The following ANKRD11 variants were observed in gnomAD, a reference collection of about 807,000 sequenced individuals.
ANKRD11 encodes the protein ankyrin repeat domain 11.
In ANKRD11, 17 loss-of-function variants were observed where a neutral mutation model predicts 195.7. That is an observed-to-expected ratio of 0.09 (90% confidence interval 0.06 to 0.13). ANKRD11 has a LOEUF of 0.13. ANKRD11 is among the 10% of genes least tolerant of loss of function. The pLI is 1.00. For missense variants in ANKRD11, 3,735 were observed against 3,566.1 expected, an observed-to-expected ratio of 1.05 and a Z score of -1.21; for synonymous variants, 1,953 against 1,528.1, an observed-to-expected ratio of 1.28 and a Z score of -6.49.
chr16:89,479,538 G>A (rs1301777956), intron 1 of ANKRD11, among the ~76,000 whole-genome samples: 1 of 152,100 alleles, frequency 6.6e-6, no homozygotes, highest in Non-Finnish European at 1.5e-5. Context: ...TGGAGGCTGA[G>A]GCAAGAGAAT....
At chr16:89,340,711 A>G (rs2038616844) in intron 2 of ANKRD11, among the ~76,000 whole-genome samples, 1 of 152,260 alleles carries the variant, frequency 6.6e-6, no homozygotes, top group Non-Finnish European at 1.5e-5. Context: ...AATAAAAACT[A>G]TAAACTCAAG....
intron 2 of ANKRD11, 54 bp from the exon 3 acceptor site, chr16:89,317,132 T>C: frequency 2.6e-6 from 3 of 1,174,062 alleles, no homozygotes; most frequent in Non-Finnish European, 2.5e-6. Context: ...TCAAAACTCA[T>C]CCACTCTCAC....
intron 3 of ANKRD11, 134 bp downstream of exon 3, chr16:89,316,799 C>G (rs1359066025): frequency 9.0e-6 from 10 of 1,106,332 alleles, no homozygotes; most frequent in Non-Finnish European, 1.2e-5. Flanking sequence ...ACCCTCTCCA[C>G]TCCTGGCTGC....
At chr16:89,314,193 G>A (rs2036800228) in intron 3 of ANKRD11, among the ~76,000 whole-genome samples, 1 of 152,114 alleles carries the variant, frequency 6.6e-6, no homozygotes. Flanking sequence ...TGCAGAAGTT[G>A]CAGTGAGCTG....
intron 9 of ANKRD11, chr16:89,278,090 A>G: frequency 5.0e-6 from 1 of 198,152 alleles, no homozygotes. Context: ...CATCAACCAC[A>G]CAGTCCGCTA....
At chr16:89,377,235 A>G (rs1249767600) in intron 2 of ANKRD11, among the ~76,000 whole-genome samples, 1 of 152,162 alleles carries the variant, frequency 6.6e-6, no homozygotes, top group Non-Finnish European at 1.5e-5. Flanking sequence ...GGCTCATTAC[A>G]CACAGCATGC....
chr16:89,393,237 C>T lies in ANKRD11; in HGVS notation c.-60+25047G>A, dbSNP rs2041274615. Among the ~76,000 whole-genome samples the T allele has an allele frequency of 3.3e-5, 5 of 152,136 alleles. No individual in the cohort carries two copies. In the South Asian group the frequency reaches 8.3e-4, roughly 25 times the overall value. On this transcript the variant is annotated intron_variant, in intron 2 of 12. Coordinates refer to ENST00000301030, the MANE Select transcript of ANKRD11 (RefSeq NM_013275.6). ...TCACCTGTTCCCACAGGTGACATGG[C>T]TCCCACCCTGGGACCAAGAGAGTCC...
chr16:89,270,803 C>G lies in ANKRD11; in HGVS notation c.7806+14G>C, dbSNP rs369188973. The G allele has an allele frequency of 6.2e-7, 1 of 1,611,994 alleles. No homozygotes were observed. The highest frequency in any genetic ancestry group is 8.5e-7 in the Non-Finnish European group (1 of 1,179,430). On this transcript the variant is annotated intron_variant, in intron 12 of 12. Coordinates refer to ENST00000301030, the MANE Select transcript of ANKRD11 (RefSeq NM_013275.6). ...CCTCCCCCAGGCAGAACTGAGGGGACGCGCAACACCGACCTTCATGCGGTC... is the reference window on the plus strand; with the variant it reads ...CCTCCCCCAGGCAGAACTGAGGGGAGGCGCAACACCGACCTTCATGCGGTC...
At chr16:89,319,084 T>C (rs774648050) in intron 2 of ANKRD11, among the ~76,000 whole-genome samples, 1 of 152,196 alleles carries the variant, frequency 6.6e-6, no homozygotes, top group Non-Finnish European at 1.5e-5. Flanking sequence ...GAATTAACAT[T>C]TTAAAAAATC....
At chr16:89,351,622 T>C (rs1437638284) in intron 2 of ANKRD11, among the ~76,000 whole-genome samples, 1 of 152,208 alleles carries the variant, frequency 6.6e-6, no homozygotes, top group Non-Finnish European at 1.5e-5. Context: ...AATGCTGCTG[T>C]GGGCACTGCA....
intron 2 of ANKRD11, chr16:89,361,747 T>A (rs188367909): frequency 6.6e-6 from 1 of 152,038 alleles, no homozygotes; most frequent in Non-Finnish European, 1.5e-5. Context: ...GATCACAAGT[T>A]ACAAAGATAA....
intron 2 of ANKRD11, among the ~76,000 whole-genome samples, chr16:89,361,200 A>C (rs527812285): frequency 7.2e-4 from 110 of 152,062 alleles, no homozygotes; most frequent in African/African-American, 2.5e-3. Flanking sequence ...ACCTCTGCGC[A>C]CCCCTTAGGA....
At chr16:89,384,573 G>A (rs2040813296) in intron 2 of ANKRD11, among the ~76,000 whole-genome samples, 1 of 151,812 alleles carries the variant, frequency 6.6e-6, no homozygotes, top group Non-Finnish European at 1.5e-5. Flanking sequence ...GACAGGATGG[G>A]ACGGGACGGG....
chr16:89,479,102 G>A (rs1000885524), intron 1 of ANKRD11, among the ~76,000 whole-genome samples: 1 of 151,966 alleles, frequency 6.6e-6, no homozygotes, highest in Non-Finnish European at 1.5e-5. Flanking sequence ...TGTTCCTGTG[G>A]ACAGCAGTCC....
At chr16:89,473,715 C>T (rs750532226) in intron 1 of ANKRD11, among the ~76,000 whole-genome samples, 1 of 152,220 alleles carries the variant, frequency 6.6e-6, no homozygotes, top group Non-Finnish European at 1.5e-5. Context: ...AATGAGGGTT[C>T]TGAAGAACAC....
At chr16:89,278,728 G>C (rs1363859655) in intron 9 of ANKRD11, 1 of 514,580 alleles carries the variant, frequency 1.9e-6, no homozygotes, top group Non-Finnish European at 3.8e-6. Flanking sequence ...TGGCTCTCGT[G>C]AGGCCGTCCT....
intron 12 of ANKRD11, 138 bp downstream of exon 12, chr16:89,270,678 GA>G: frequency 1.2e-6 from 1 of 845,560 alleles, no homozygotes; most frequent in Non-Finnish European, 2.0e-6. Flanking sequence ...CAGATTAAGA[GA>G]ATCTGAAATT....
chr16:89,402,834 C>T (rs897417043), intron 2 of ANKRD11, among the ~76,000 whole-genome samples: 4 of 21,838 alleles, frequency 1.8e-4, no homozygotes, highest in East Asian at 2.2e-3. Flanking sequence ...GGCGGCACTG[C>T]GGGAGGAGGT....
intron 1 of ANKRD11, among the ~76,000 whole-genome samples, chr16:89,429,816 G>A (rs12102553): frequency 4.0e-5 from 2 of 49,944 alleles, no homozygotes; most frequent in Admixed American, 2.1e-4. Context: ...CTCAACTCTC[G>A]CGCTCAGACG....
Sources: gnomAD v4.1 joint callset for allele counts (sites outside exome capture counted in the v4.1 genomes callset) on GRCh38, gnomAD v4.1.1 for gene constraint, MANE v1.5 for transcripts, NCBI Gene and HGNC (gene_info 2026-07-23, HGNC 2026-07-21) for gene names.